RCL1: variants seen among roughly 807,000 people sequenced by gnomAD.
RCL1 encodes the protein RNA 3'-terminal phosphate cyclase-like protein.
In RCL1, 24 loss-of-function variants were observed where a neutral mutation model predicts 42.4. The ratio of observed to expected loss-of-function variants is 0.57; its 90% CI spans 0.41 to 0.80. The LOEUF (loss-of-function observed/expected upper bound fraction) is 0.80. Ranked by LOEUF, RCL1 falls within the 30% of genes least tolerant of loss-of-function variation. The probability of loss-of-function intolerance (pLI) is 0.00; values close to 1 mark genes in which losing one functional copy is unlikely to be tolerated. For synonymous variants in RCL1, 228 were observed against 177.3 expected (o/e 1.29, Z -2.27); for missense variants, 578 against 467.9 (o/e 1.24, Z -2.17).
intron 1 of RCL1, among the ~76,000 whole-genome samples, chr9:4,810,653 T>A (rs1171751532): frequency 3.3e-5 from 5 of 152,120 alleles, no homozygotes; most frequent in Non-Finnish European, 7.3e-5. Context: ...TTTGTGCACA[T>A]ATATGTGTAT....
chr9:4,803,774 C>CT (rs2130970450), intron 1 of RCL1: 1 of 168,826 alleles, frequency 5.9e-6, no homozygotes, highest in Admixed American at 5.9e-5. Flanking sequence ...TGGGTCATAT[C>CT]CACTGTTTGT....
chr9:4,821,464 A>G (rs1816594620), intron 1 of RCL1, among the ~76,000 whole-genome samples: 1 of 152,202 alleles, frequency 6.6e-6, no homozygotes, highest in Admixed American at 6.5e-5. Flanking sequence ...TGCTATAACA[A>G]TGTCACAGGC....
At chr9:4,826,254 A>T (rs1156537622) in intron 2 of RCL1, among the ~76,000 whole-genome samples, 1 of 152,150 alleles carries the variant, frequency 6.6e-6, no homozygotes, top group Non-Finnish European at 1.5e-5. Flanking sequence ...TCAAAACAAA[A>T]CAAAGCTTTT....
In RCL1 at chr9:4,860,513, C is replaced by G. The variant is rs1397122310; in HGVS notation, c.*238C>G. 3 of 471,250 alleles carry G rather than the reference C, an allele frequency of 6.4e-6. No individual in the cohort carries two copies. Among genetic ancestry groups the G allele is most frequent in the Admixed American group, 4.3e-5 (1 of 23,010 alleles). 29.2% of individuals were successfully genotyped at this position (471,250 alleles called of 1,614,324 possible). A position where few individuals can be genotyped will look rare whatever the true frequency, so the allele number is the denominator to read the frequency against. Reference sequence around the variant, plus strand: ...CCAGTCACCATGAGAGCTCCCTTGCCTTACCTGGAGGAAGAATGTGCCTTC... The same window carrying G: ...CCAGTCACCATGAGAGCTCCCTTGCGTTACCTGGAGGAAGAATGTGCCTTC... On this transcript the variant is annotated 3_prime_UTR_variant, in exon 9 of 9. Coordinates refer to ENST00000381750, the MANE Select transcript of RCL1 (RefSeq NM_005772.5).
chr9:4,848,972 A>G (rs2129702964), intron 7 of RCL1, among the ~76,000 whole-genome samples: 1 of 152,298 alleles, frequency 6.6e-6, no homozygotes, highest in Admixed American at 6.5e-5. Context: ...TGTAAAAGTA[A>G]GGCCATGAAA....
chr9:4,798,883 T>A (rs938318591), intron 1 of RCL1, among the ~76,000 whole-genome samples: 1 of 151,710 alleles, frequency 6.6e-6, no homozygotes, highest in Non-Finnish European at 1.5e-5. Context: ...TTCTTCTTTT[T>A]TTTTTTTTTT....
At chr9:4,827,758 A>ACG (rs1284922181) in intron 3 of RCL1, among the ~76,000 whole-genome samples, 1,989 of 43,910 alleles carry the variant, frequency 0.045, 50 homozygotes, top group African/African-American at 0.099. Flanking sequence ...GTGTGTGTGC[A>ACG]CGCGTGTGTG....
intron 3 of RCL1, among the ~76,000 whole-genome samples, chr9:4,827,980 A>G (rs1816821506): frequency 1.3e-5 from 2 of 151,890 alleles, no homozygotes; most frequent in African/African-American, 2.4e-5. Context: ...AGGTCAGGAG[A>G]TCGAGACCAG....
At chr9:4,852,684 C>G (rs966528136) in intron 8 of RCL1, among the ~76,000 whole-genome samples, 6 of 152,076 alleles carry the variant, frequency 3.9e-5, no homozygotes. Context: ...TGGCAACGTG[C>G]CTGAGGAGCT....
At chr9:4,821,787 C>A (rs1024153103) in intron 1 of RCL1, among the ~76,000 whole-genome samples, 13 of 152,192 alleles carry the variant, frequency 8.5e-5, no homozygotes, top group African/African-American at 2.4e-4. Context: ...TGGCTGGACT[C>A]ATTTTTATAG....
At chr9:4,798,134 C>G (rs1842943109) in intron 1 of RCL1, among the ~76,000 whole-genome samples, 1 of 152,160 alleles carries the variant, frequency 6.6e-6, no homozygotes, top group Non-Finnish European at 1.5e-5. Flanking sequence ...CAGCTCCTGC[C>G]TGAAGGACCT....
At chr9:4,804,712 G>T (rs764069013) in intron 1 of RCL1, 12 of 176,086 alleles carry the variant, frequency 6.8e-5, no homozygotes, top group Non-Finnish European at 1.3e-4. Context: ...CCGGTGCGCT[G>T]GTGGGGAGGA....
intron 5 of RCL1, 54 bp downstream of exon 5, chr9:4,834,319 A>G (rs1817050139): frequency 5.8e-6 from 9 of 1,561,536 alleles, no homozygotes; most frequent in Non-Finnish European, 7.8e-6. Flanking sequence ...TTGCCTCACT[A>G]AGATAAGAAT....
At chr9:4,839,363 T>C (rs1817237768) in intron 5 of RCL1, among the ~76,000 whole-genome samples, 1 of 152,180 alleles carries the variant, frequency 6.6e-6, no homozygotes, top group Non-Finnish European at 1.5e-5. Context: ...TAGTTGTCTT[T>C]AATGTAAGTC....
chr9:4,846,559 C>T (rs1817521537), intron 7 of RCL1, among the ~76,000 whole-genome samples: 2 of 134,188 alleles, frequency 1.5e-5, no homozygotes, highest in South Asian at 5.3e-4. Flanking sequence ...TTGTGGTCTA[C>T]TTATTTGTAG....
intron 1 of RCL1, among the ~76,000 whole-genome samples, chr9:4,813,549 A>G (rs761836984): frequency 3.9e-5 from 6 of 152,254 alleles, no homozygotes; most frequent in Non-Finnish European, 5.9e-5. Context: ...CAGGTGCTGA[A>G]GAGGATGTGA....
rs150057095 is a variant in RCL1, at chr9:4,844,430, G to A, written c.711-95G>A. The A allele has an allele frequency of 9.4e-4, 899 of 959,968 alleles. 6 individuals are homozygous for A. In the Middle Eastern group the frequency reaches 0.016, roughly 18 times the overall value. 59.5% of individuals were successfully genotyped at this position (959,968 alleles called of 1,614,324 possible). On this transcript the variant is annotated intron_variant, in intron 6 of 8. Transcript: ENST00000381750. Reference sequence around the variant, plus strand: ...GAAAGAAGCCTTTGAACACAGTGCCGTCAAAAAAAATGTTTGTCTTCTCTT... The same window carrying A: ...GAAAGAAGCCTTTGAACACAGTGCCATCAAAAAAAATGTTTGTCTTCTCTT...
intron 5 of RCL1, among the ~76,000 whole-genome samples, chr9:4,836,295 C>T (rs1817126983): frequency 6.6e-6 from 1 of 152,050 alleles, no homozygotes; most frequent in Non-Finnish European, 1.5e-5. Flanking sequence ...TGGGTGGGTC[C>T]TACAGGAGGA....
chr9:4,800,954 G>A (rs1842990849), intron 1 of RCL1, among the ~76,000 whole-genome samples: 1 of 152,082 alleles, frequency 6.6e-6, no homozygotes, highest in African/African-American at 2.4e-5. Context: ...ACACTGGCCT[G>A]GATGTACCAT....
Sources: allele counts gnomAD v4.1 joint callset (sites outside exome capture counted in the v4.1 genomes callset), GRCh38; gene constraint gnomAD v4.1.1; transcripts MANE v1.5; gene names NCBI Gene and HGNC (gene_info 2026-07-23, HGNC 2026-07-21).